The following XKR9 variants were observed in gnomAD, a reference collection of about 807,000 sequenced individuals.
The protein encoded by XKR9 is XK-related protein 9.
Under a neutral mutation model 32.0 loss-of-function variants are expected in XKR9, and 32 were observed. The observed-to-expected ratio is 1.00, with a 90% confidence interval of 0.76 to 1.34. The LOEUF (loss-of-function observed/expected upper bound fraction) is 1.34, where lower values mean the gene tolerates loss of function less well. Among genes scored for constraint, XKR9 ranks in the 40% most tolerant of loss-of-function variants. XKR9 has a pLI of 0.00. For synonymous variants in XKR9, 168 were observed against 143.4 expected, an observed-to-expected ratio of 1.17 and a Z score of -1.22; for missense variants, 546 against 429.7, an observed-to-expected ratio of 1.27 and a Z score of -2.39.
the XKR9 span, among the ~76,000 whole-genome samples, chr8:70,954,545 C>T: frequency 6.6e-6 from 1 of 152,178 alleles, no homozygotes; most frequent in African/African-American, 2.4e-5. Context: ...TATTTTCCAT[C>T]AAAACAATTA....
the XKR9 span, among the ~76,000 whole-genome samples, chr8:70,852,881 T>C: frequency 1.3e-5 from 2 of 152,078 alleles, no homozygotes; most frequent in Non-Finnish European, 2.9e-5. Flanking sequence ...GGGATAGCAG[T>C]AGGAGAAATT....
At chr8:70,752,284 G>C (rs907947609) in intron 2 of XKR9, among the ~76,000 whole-genome samples, 3 of 152,138 alleles carry the variant, frequency 2.0e-5, no homozygotes, top group African/African-American at 7.2e-5. Context: ...TCTGTTTTCT[G>C]TTGTTATACC....
intron 2 of XKR9, among the ~76,000 whole-genome samples, chr8:70,678,823 A>G (rs781285837): frequency 6.6e-6 from 1 of 152,244 alleles, no homozygotes; most frequent in Non-Finnish European, 1.5e-5. Context: ...CTTATAAGTG[A>G]TAAAATGATA....
chr8:70,938,921 T>C, the XKR9 span, among the ~76,000 whole-genome samples: 1 of 151,634 alleles, frequency 6.6e-6, no homozygotes, highest in African/African-American at 2.4e-5. Flanking sequence ...GGATCCCATC[T>C]GGCCTCCTAC....
intron 2 of XKR9, among the ~76,000 whole-genome samples, chr8:70,756,286 A>G (rs1807225260): frequency 6.6e-6 from 1 of 152,184 alleles, no homozygotes; most frequent in Non-Finnish European, 1.5e-5. Flanking sequence ...GTAAGTTTTG[A>G]AATTGGAAAA....
chr8:71,053,941 A>G, the XKR9 span, among the ~76,000 whole-genome samples: 3 of 152,222 alleles, frequency 2.0e-5, no homozygotes, highest in Admixed American at 6.5e-5. Flanking sequence ...AATCACATAG[A>G]GAGCTTGTTT....
chr8:71,055,425 A>T, the XKR9 span, among the ~76,000 whole-genome samples: 1 of 152,196 alleles, frequency 6.6e-6, no homozygotes, highest in African/African-American at 2.4e-5. Flanking sequence ...TATGTTGCAG[A>T]ACAGCTTCAT....
the XKR9 span, among the ~76,000 whole-genome samples, chr8:70,973,105 G>A: frequency 6.6e-6 from 1 of 151,752 alleles, no homozygotes; most frequent in Non-Finnish European, 1.5e-5. Flanking sequence ...ACTTTTTTTT[G>A]TTGTTGGTAT....
At chr8:71,040,154 G>A in the XKR9 span, among the ~76,000 whole-genome samples, 5 of 152,140 alleles carry the variant, frequency 3.3e-5, no homozygotes, top group Admixed American at 2.0e-4. Context: ...GAGAAAAAGC[G>A]AGTGACAGAT....
At chr8:71,014,829 C>A in the XKR9 span, among the ~76,000 whole-genome samples, 1 of 152,088 alleles carries the variant, frequency 6.6e-6, no homozygotes, top group African/African-American at 2.4e-5. Flanking sequence ...GGTTCAGGGG[C>A]ATTACTGGTT....
the XKR9 span, among the ~76,000 whole-genome samples, chr8:70,883,555 C>A: frequency 6.6e-6 from 1 of 152,104 alleles, no homozygotes; most frequent in Non-Finnish European, 1.5e-5. Context: ...AATCTCCATA[C>A]TGTTTCCCAT....
chr8:70,871,719 A>G, the XKR9 span, among the ~76,000 whole-genome samples: 1 of 152,188 alleles, frequency 6.6e-6, no homozygotes, highest in African/African-American at 2.4e-5. Context: ...TAATAACCAT[A>G]CAATGGCCTA....
chr8:70,804,249 T>A, the XKR9 span, among the ~76,000 whole-genome samples: 1 of 152,250 alleles, frequency 6.6e-6, no homozygotes, highest in Admixed American at 6.5e-5. Context: ...CGGGGTCACC[T>A]GCCCTGCTGT....
chr8:70,930,900 A>G, the XKR9 span, among the ~76,000 whole-genome samples: 2 of 152,178 alleles, frequency 1.3e-5, no homozygotes, highest in African/African-American at 2.4e-5. Context: ...GCCAAAGAGC[A>G]TCACCATCAG....
At chr8:71,058,738 A>G in the XKR9 span, among the ~76,000 whole-genome samples, 2 of 152,226 alleles carry the variant, frequency 1.3e-5, no homozygotes. Flanking sequence ...TTCTTGTCAC[A>G]TATCCAGAAA....
At chr8:70,699,554 T>C (rs945119291) in intron 3 of XKR9, among the ~76,000 whole-genome samples, 2 of 152,238 alleles carry the variant, frequency 1.3e-5, no homozygotes, top group African/African-American at 2.4e-5. Flanking sequence ...AGAGATCTGC[T>C]GTTAGTCTGA....
chr8:70,910,747 G>C, the XKR9 span, among the ~76,000 whole-genome samples: 1 of 152,208 alleles, frequency 6.6e-6, no homozygotes, highest in Non-Finnish European at 1.5e-5. Flanking sequence ...TCTGCTTAGA[G>C]TCTCACAAGG....
intron 3 of XKR9, among the ~76,000 whole-genome samples, chr8:70,700,537 C>G (rs1332729303): frequency 1.3e-5 from 2 of 152,174 alleles, no homozygotes; most frequent in Non-Finnish European, 2.9e-5. Flanking sequence ...GATCGTTCCT[C>G]TGGAAGTTTT....
the XKR9 span, among the ~76,000 whole-genome samples, chr8:70,802,938 G>T: frequency 6.6e-6 from 1 of 152,082 alleles, no homozygotes; most frequent in African/African-American, 2.4e-5. Context: ...CTTGGGGGTG[G>T]TCTCTTGTAT....
Sources: gnomAD v4.1 joint callset for allele counts (sites outside exome capture counted in the v4.1 genomes callset) on GRCh38, gnomAD v4.1.1 for gene constraint, MANE v1.5 for transcripts, NCBI Gene and HGNC (gene_info 2026-07-23, HGNC 2026-07-21) for gene names.